The following MYO3B variants were observed in gnomAD, a reference collection of about 807,000 sequenced individuals.
MYO3B encodes myosin IIIB.
A neutral mutation model predicts 174.6 loss-of-function variants in MYO3B; 156 were observed. That is an observed-to-expected ratio of 0.89 (90% CI 0.78 to 1.02). The LOEUF is 1.02. Among genes scored for constraint, MYO3B ranks in the 50% least tolerant of loss-of-function variants. The pLI is 0.00. For missense variants in MYO3B, 1,632 were observed against 1,639.4 expected, an observed-to-expected ratio of 1.00 and a Z score of 0.08; for synonymous variants, 563 against 569.1, an observed-to-expected ratio of 0.99 and a Z score of 0.15.
Position 170,234,188 on chromosome 2 carries a change from CAAAACAAAACAAAAAAAAA to C in MYO3B, c.604-1801_604-1783del, listed in dbSNP as rs1217658536. Among the ~76,000 whole-genome samples the C allele has an allele frequency of 2.6e-4, 5 of 19,256 alleles. 1 individual carries two copies. The highest frequency in any genetic ancestry group is 1.3e-3 in the African/African-American group (5 of 3,882). The allele number at this position is 19,256 out of a possible 152,430, so 12.6% of individuals were successfully genotyped here. On this transcript the variant is annotated intron_variant, in intron 6 of 34. Transcript: ENST00000408978. ...TCCGTCTCAAAAAAAAAAAAAAAAA[CAAAACAAAACAAAAAAAAA>C]ACACCTGTTTCTTAGTCTTAATCTG...
At chr2:170,261,120 T>C (rs909388313) in intron 7 of MYO3B, among the ~76,000 whole-genome samples, 2 of 151,948 alleles carry the variant, frequency 1.3e-5, no homozygotes. Context: ...GCCTTCCGGG[T>C]TCAAGCAATT....
chr2:170,618,025 T>C (rs993779252), intron 32 of MYO3B, among the ~76,000 whole-genome samples: 2 of 152,162 alleles, frequency 1.3e-5, no homozygotes, highest in African/African-American at 4.8e-5. Flanking sequence ...TCAAGTGTCC[T>C]AAAGGAGGGA....
intron 8 of MYO3B, chr2:170,340,414 G>C (rs2093969835): frequency 6.6e-6 from 1 of 152,202 alleles, no homozygotes; most frequent in Admixed American, 6.5e-5. Context: ...CTTTCTTGAG[G>C]TGGCTGGCTT....
At chr2:170,478,881 G>A (rs1402607662) in intron 25 of MYO3B, among the ~76,000 whole-genome samples, 3 of 66,462 alleles carry the variant, frequency 4.5e-5, no homozygotes, top group African/African-American at 7.0e-5. Flanking sequence ...CCATATATAG[G>A]TTTTACATAC....
intron 8 of MYO3B, among the ~76,000 whole-genome samples, chr2:170,355,646 C>A (rs558061632): frequency 2.0e-5 from 3 of 152,176 alleles, no homozygotes; most frequent in Non-Finnish European, 4.4e-5. Flanking sequence ...GGGATTGAAT[C>A]GCTCCCTCCT....
At chr2:170,417,452 T>C (rs954525780) in intron 22 of MYO3B, among the ~76,000 whole-genome samples, 3 of 152,224 alleles carry the variant, frequency 2.0e-5, no homozygotes, top group Non-Finnish European at 4.4e-5. Context: ...GAAACTAAAG[T>C]TGAAGGCCAA....
chr2:170,343,083 CTCCACCCCTT>C (rs2093989488), intron 8 of MYO3B, among the ~76,000 whole-genome samples: 2 of 149,298 alleles, frequency 1.3e-5, no homozygotes, highest in African/African-American at 2.5e-5. Context: ...ACACACCCCT[CTCCACCCCTT>C]CTCAATGGCA....
At position 170,488,439 on chromosome 2, in the gene MYO3B, C is replaced by A. The variant is rs117946224; in HGVS notation, c.3015-10153C>A. On this transcript the variant is annotated intron_variant, in intron 25 of 34. Transcript: ENST00000408978. ...CTTTGTGTCAAACCTGGATCTATAG[C>A]GTAGATTTTTGTACTTCTTTCTTTC... is the stretch of plus-strand genomic sequence containing the variant. Among the ~76,000 whole-genome samples, 170 of 152,016 alleles carry A rather than the reference C, an allele frequency of 1.1e-3. 2 individuals carry two copies. The East Asian group carries it at 0.016, about 14-fold the overall frequency.
chr2:170,605,636 C>T (rs1012801241), intron 32 of MYO3B, among the ~76,000 whole-genome samples: 3 of 152,116 alleles, frequency 2.0e-5, no homozygotes, highest in African/African-American at 7.2e-5. Context: ...GTGGGTGGAT[C>T]ACCTGAGGTC....
chr2:170,610,713 A>G (rs16858869), intron 32 of MYO3B, among the ~76,000 whole-genome samples: 23,057 of 152,204 alleles, frequency 0.15, 2,071 homozygotes, highest in East Asian at 0.43. Context: ...AACAGAGTAC[A>G]GTACTTTTTA....
intron 9 of MYO3B, among the ~76,000 whole-genome samples, chr2:170,378,451 A>T (rs1996535): frequency 4.6e-5 from 7 of 152,194 alleles, no homozygotes; most frequent in South Asian, 4.1e-4. Flanking sequence ...GAATTTGATC[A>T]CCTGTAAGCA....
chr2:170,528,172 G>A (rs1375932902), intron 30 of MYO3B, among the ~76,000 whole-genome samples: 1 of 152,196 alleles, frequency 6.6e-6, no homozygotes, highest in Non-Finnish European at 1.5e-5. Context: ...TTTCTGTGAT[G>A]CATCTACCTT....
intron 6 of MYO3B, among the ~76,000 whole-genome samples, chr2:170,223,849 G>C (rs927981187): frequency 6.6e-6 from 1 of 152,214 alleles, no homozygotes; most frequent in Non-Finnish European, 1.5e-5. Flanking sequence ...AGTAGACTTT[G>C]AAAATAATGG....
At chr2:170,353,647 C>T (rs994139027) in intron 8 of MYO3B, among the ~76,000 whole-genome samples, 3 of 151,856 alleles carry the variant, frequency 2.0e-5, no homozygotes, top group Non-Finnish European at 2.9e-5. Flanking sequence ...AGAGGCTGTG[C>T]GTGTAGGGGG....
rs112554821 is a variant in MYO3B, at chr2:170,235,906, C to G, written c.604-85C>G. On this transcript the variant is annotated intron_variant, in intron 6 of 34. Transcript: ENST00000408978. ...TCATCGTGGCCAAGAAAACTGAGAA[C>G]GGGGCTAAGATCAGCCCAGGGCCTT... 8.9e-4 allele frequency: 1,376 copies of G among 1,541,818 alleles called. 15 individuals are homozygous for G. In the African/African-American group the frequency reaches 9.0e-3, roughly 10 times the overall value.
At chr2:170,387,340 C>A (rs757450015) in intron 14 of MYO3B, 32 bp downstream of exon 14, 2 of 1,598,274 alleles carry the variant, frequency 1.3e-6, no homozygotes, top group Non-Finnish European at 1.7e-6. Flanking sequence ...TGTGTTTTTG[C>A]CCTGCAGTAA....
chr2:170,318,575 G>A (rs531691854), intron 7 of MYO3B, among the ~76,000 whole-genome samples: 34 of 152,240 alleles, frequency 2.2e-4, no homozygotes, highest in Admixed American at 3.9e-4. Context: ...GGTCTCAAGC[G>A]AAATTTCCTT....
intron 22 of MYO3B, among the ~76,000 whole-genome samples, chr2:170,409,808 T>A (rs1165544331): frequency 6.6e-6 from 1 of 152,376 alleles, no homozygotes; most frequent in East Asian, 1.9e-4. Context: ...CTAATTTATC[T>A]CCTTATGACA....
chr2:170,475,937 C>T (rs573649303), intron 25 of MYO3B, among the ~76,000 whole-genome samples: 2 of 152,326 alleles, frequency 1.3e-5, no homozygotes, highest in Admixed American at 1.3e-4. Flanking sequence ...ACCATAAATC[C>T]TGCCCTTAGG....
Sources: gnomAD v4.1 joint callset for allele counts (sites outside exome capture counted in the v4.1 genomes callset) on GRCh38, gnomAD v4.1.1 for gene constraint, MANE v1.5 for transcripts, NCBI Gene and HGNC (gene_info 2026-07-23, HGNC 2026-07-21) for gene names.